Variants in NSUN6 observed in about 807,000 individuals in gnomAD.
NSUN6 encodes the protein tRNA (cytosine(72)-C(5))-methyltransferase NSUN6.
Under a neutral mutation model 58.0 loss-of-function variants are expected in NSUN6, and 64 were observed. The observed-to-expected ratio is 1.10, with a 90% CI of 0.90 to 1.36. The LOEUF (loss-of-function observed/expected upper bound fraction) is 1.36. Among genes scored for constraint, NSUN6 ranks in the 40% most tolerant of loss-of-function variants. The pLI, the probability that NSUN6 is intolerant of heterozygous loss-of-function variation, is 0.00. For missense variants in NSUN6, 701 were observed against 550.1 expected, an observed-to-expected ratio of 1.27 and a Z score of -2.74; for synonymous variants, 231 against 193.9, an observed-to-expected ratio of 1.19 and a Z score of -1.59.
intron 8 of NSUN6, among the ~76,000 whole-genome samples, chr10:18,581,880 T>C (rs1333322563): frequency 1.3e-5 from 2 of 151,960 alleles, no homozygotes; most frequent in Admixed American, 6.5e-5. Context: ...GAAGCAGTCA[T>C]TCTTTTATTC....
chr10:18,626,054 G>A (rs2058790938), intron 3 of NSUN6, among the ~76,000 whole-genome samples: 1 of 152,104 alleles, frequency 6.6e-6, no homozygotes, highest in Non-Finnish European at 1.5e-5. Flanking sequence ...GTACGTAAGA[G>A]TCACACTTTG....
At chr10:18,590,539 A>T (rs991940068) in intron 7 of NSUN6, among the ~76,000 whole-genome samples, 3 of 152,226 alleles carry the variant, frequency 2.0e-5, no homozygotes, top group African/African-American at 7.2e-5. Context: ...AAAAGAATGG[A>T]AATCATAACA....
rs547850248 is a variant in NSUN6 at position 18,554,435 on chromosome 10, C to T, written c.923-2464G>A. On this transcript the variant is annotated intron_variant, in intron 8 of 10. Transcript: ENST00000377304. ...ATAGAGAATGGAATGGAACGGACAACGGAATGGAATGAACAATGGAATGGG... is the reference window on the plus strand; with the variant it reads ...ATAGAGAATGGAATGGAACGGACAATGGAATGGAATGAACAATGGAATGGG... Among the ~76,000 whole-genome samples the T allele has an allele frequency of 2.1e-4, 29 of 136,536 alleles. No homozygotes were observed. The East Asian group carries it at 2.3e-3, about 11-fold the overall frequency. The allele number at this position is 136,536 out of a possible 152,430, so 89.6% of individuals were successfully genotyped here.
intron 8 of NSUN6, among the ~76,000 whole-genome samples, chr10:18,554,688 T>C (rs990267734): frequency 1.4e-5 from 2 of 146,126 alleles, no homozygotes; most frequent in Non-Finnish European, 3.0e-5. Flanking sequence ...AATGGAATGC[T>C]GAATGGAATG....
upstream of NSUN6, chr10:18,652,021 T>C (rs992156701): frequency 1.5e-5 from 15 of 985,304 alleles, no homozygotes; most frequent in Non-Finnish European, 1.7e-5. Flanking sequence ...TTTACCTCTC[T>C]CAGGCATACA....
At chr10:18,613,898 A>C (rs186363856) in intron 5 of NSUN6, among the ~76,000 whole-genome samples, 73 of 152,316 alleles carry the variant, frequency 4.8e-4, no homozygotes, top group Non-Finnish European at 9.8e-4. Flanking sequence ...GAAAAAACTA[A>C]GTAAAATAAG....
intron 8 of NSUN6, among the ~76,000 whole-genome samples, chr10:18,554,386 G>A (rs1201460807): frequency 6.6e-6 from 1 of 151,090 alleles, no homozygotes; most frequent in Admixed American, 6.6e-5. Flanking sequence ...ATGGAGTGGA[G>A]AATGGAATGA....
chr10:18,583,006 C>T (rs2056972855), intron 8 of NSUN6, among the ~76,000 whole-genome samples: 1 of 152,176 alleles, frequency 6.6e-6, no homozygotes, highest in African/African-American at 2.4e-5. Context: ...TGCACATACA[C>T]ATCCAGATAG....
chr10:18,583,209 C>T (rs973086917), intron 8 of NSUN6, among the ~76,000 whole-genome samples: 1 of 152,204 alleles, frequency 6.6e-6, no homozygotes, highest in East Asian at 1.9e-4. Context: ...CTCTCCACCA[C>T]GCATCTTGTA....
intron 8 of NSUN6, among the ~76,000 whole-genome samples, chr10:18,563,829 C>T (rs2130898766): frequency 6.7e-6 from 1 of 149,454 alleles, no homozygotes; most frequent in Middle Eastern, 3.6e-3. Context: ...CCACTACACT[C>T]TCCACTCCAT....
intron 3 of NSUN6, among the ~76,000 whole-genome samples, chr10:18,618,726 C>G (rs1231135941): frequency 4.8e-5 from 7 of 147,094 alleles, no homozygotes; most frequent in Non-Finnish European, 1.0e-4. Context: ...TTTTTCATGA[C>G]TCAATTTCAC....
chr10:18,640,851 C>T lies in NSUN6; in HGVS notation c.311+1625G>A, dbSNP rs529567504. Among the ~76,000 whole-genome samples, 5 of 149,920 alleles carry T rather than the reference C, an allele frequency of 3.3e-5. No homozygotes were observed. The South Asian group carries it at 1.1e-3, about 32-fold the overall frequency. ...TCAACTTTAATTGCAAAAATACATT[C>T]TTATAGTAAAAAAAAAAAAAACAAA... On this transcript the variant is annotated intron_variant, in intron 3 of 10. Transcript: ENST00000377304.
chr10:18,591,017 A>G (rs984078987), intron 7 of NSUN6, among the ~76,000 whole-genome samples: 2 of 152,222 alleles, frequency 1.3e-5, no homozygotes, highest in African/African-American at 4.8e-5. Flanking sequence ...AAAACAAAGA[A>G]GAATCAAACA....
At chr10:18,629,576 G>GAAAA (rs760321487) in intron 3 of NSUN6, among the ~76,000 whole-genome samples, 1 of 128,912 alleles carries the variant, frequency 7.8e-6, no homozygotes, top group Non-Finnish European at 1.7e-5. Flanking sequence ...CAAGCTAATG[G>GAAAA]AAAACAAAAA....
intron 7 of NSUN6, among the ~76,000 whole-genome samples, chr10:18,586,729 G>A (rs1261031878): frequency 6.6e-6 from 1 of 152,246 alleles, no homozygotes; most frequent in African/African-American, 2.4e-5. Flanking sequence ...TTATTGTGAA[G>A]AACGAAAGAA....
chr10:18,571,140 ACTAT>A (rs2056337409), intron 8 of NSUN6, among the ~76,000 whole-genome samples: 1 of 143,690 alleles, frequency 7.0e-6, no homozygotes, highest in Admixed American at 7.0e-5. Context: ...TCTCCATTCC[ACTAT>A]CTATTCTATT....
intron 8 of NSUN6, among the ~76,000 whole-genome samples, chr10:18,567,662 GCATTCCATTCCGCATTC>G (rs1334135912): frequency 3.9e-5 from 5 of 128,804 alleles, no homozygotes; most frequent in African/African-American, 1.5e-4. Context: ...ATTCCTCATT[GCATTCCATTCCGCATTC>G]CATTCCATTC....
intron 6 of NSUN6, among the ~76,000 whole-genome samples, chr10:18,598,656 T>G (rs2057689694): frequency 6.6e-6 from 1 of 152,166 alleles, no homozygotes; most frequent in Admixed American, 6.5e-5. Context: ...TATTTTTTTG[T>G]AGAGACAGGG....
In NSUN6 at chr10:18,609,938, G is replaced by C; in HGVS notation, c.576-12C>G. 6.7e-7 allele frequency: 1 copy of C among 1,501,326 alleles called. No homozygotes were observed. The allele number at this position is 1,501,326 out of a possible 1,614,324, so 93.0% of individuals were successfully genotyped here. On this transcript the variant is annotated splice_polypyrimidine_tract_variant and intron_variant, in intron 5 of 10. Transcript: ENST00000377304. The stretch of plus-strand genomic sequence containing the variant: ...TTATGCCCATGCCTCTGAAAAATAG[G>C]AAATCTAACATTAGTCTGTATAAAT...
Sources: allele counts gnomAD v4.1 joint callset (sites outside exome capture counted in the v4.1 genomes callset), GRCh38; gene constraint gnomAD v4.1.1; transcripts MANE v1.5; gene names NCBI Gene and HGNC (gene_info 2026-07-23, HGNC 2026-07-21).